The following NPSR1 variants were observed in gnomAD, a reference collection of about 807,000 sequenced individuals.
NPSR1 encodes the protein neuropeptide S receptor.
NPSR1 carries 48 observed loss-of-function variants against 46.9 expected under a neutral mutation model. The observed-to-expected ratio is 1.02, with a 90% CI of 0.81 to 1.30. NPSR1 has a LOEUF of 1.30. NPSR1 is among the 50% of genes most tolerant of loss of function. The pLI is 0.00. For synonymous variants in NPSR1, 176 were observed against 168.1 expected (o/e 1.05, Z -0.36); for missense variants, 450 against 449.5 (o/e 1.00, Z -0.01).
At chr7:34,705,502 G>T (rs764324382) in intron 2 of NPSR1, among the ~76,000 whole-genome samples, 2 of 148,894 alleles carry the variant, frequency 1.3e-5, no homozygotes, top group Non-Finnish European at 3.0e-5. Flanking sequence ...TAGTATTTTT[G>T]ATCAATGTTT....
intron 8 of NPSR1, among the ~76,000 whole-genome samples, chr7:34,875,616 C>A (rs965595657): frequency 1.2e-4 from 18 of 152,194 alleles, no homozygotes; most frequent in African/African-American, 4.3e-4. Flanking sequence ...AGCCCCAGTG[C>A]CTCCTGGAGG....
intron 2 of NPSR1, among the ~76,000 whole-genome samples, chr7:34,772,014 T>G (rs1279227051): frequency 6.6e-6 from 1 of 152,240 alleles, no homozygotes; most frequent in Non-Finnish European, 1.5e-5. Context: ...TGCTTTGCGG[T>G]AGGCACATGA....
Position 34,841,015 on chromosome 7 carries a change from C to T in NPSR1, c.758-3881C>T, listed in dbSNP as rs1353042556. Among the ~76,000 whole-genome samples the T allele has an allele frequency of 2.6e-5, 4 of 152,148 alleles. No individual in the cohort carries two copies. The East Asian group carries it at 7.7e-4, about 29-fold the overall frequency. ...AGCTATATTAGTAAAGAGAATGTTACTGTTCAAAATGAATTTCAAGTTTCA... is the reference window on the plus strand; with the variant it reads ...AGCTATATTAGTAAAGAGAATGTTATTGTTCAAAATGAATTTCAAGTTTCA... On this transcript the variant is annotated intron_variant, in intron 6 of 8. Coordinates refer to ENST00000360581, the MANE Select transcript of NPSR1 (RefSeq NM_207172.2).
intron 3 of NPSR1, among the ~76,000 whole-genome samples, chr7:34,790,874 T>G (rs1484055430): frequency 7.4e-6 from 1 of 135,956 alleles, no homozygotes; most frequent in Non-Finnish European, 1.5e-5. Flanking sequence ...ATATGTTATA[T>G]GTTATATTAT....
intron 2 of NPSR1, among the ~76,000 whole-genome samples, chr7:34,774,450 G>C (rs185811413): frequency 6.6e-6 from 1 of 152,168 alleles, no homozygotes; most frequent in Non-Finnish European, 1.5e-5. Flanking sequence ...TGTGGGACAC[G>C]TCTGAGTGTA....
intron 2 of NPSR1, among the ~76,000 whole-genome samples, chr7:34,739,788 G>GCAC (rs1412802470): frequency 6.6e-6 from 1 of 152,194 alleles, no homozygotes; most frequent in Non-Finnish European, 1.5e-5. Context: ...ATGGATACTA[G>GCAC]CACCTGCTCT....
chr7:34,840,098 C>T (rs1377624806), intron 6 of NPSR1, among the ~76,000 whole-genome samples: 1 of 152,022 alleles, frequency 6.6e-6, no homozygotes, highest in East Asian at 1.9e-4. Context: ...GAAATCTTCT[C>T]ATATCTAGCT....
intron 2 of NPSR1, among the ~76,000 whole-genome samples, chr7:34,722,586 AG>A (rs1298598212): frequency 3.3e-5 from 5 of 152,194 alleles, no homozygotes; most frequent in Admixed American, 3.3e-4. Flanking sequence ...TAGATTTGTA[AG>A]GGTAGAGACA....
At chr7:34,810,426 T>C (rs1400480689) in intron 3 of NPSR1, among the ~76,000 whole-genome samples, 1 of 152,180 alleles carries the variant, frequency 6.6e-6, no homozygotes, top group African/African-American at 2.4e-5. Flanking sequence ...CAAAAAAAGA[T>C]TGTACACAGA....
chr7:34,871,638 TG>T (rs1302588138), intron 8 of NPSR1: 1 of 151,818 alleles, frequency 6.6e-6, no homozygotes, highest in African/African-American at 2.4e-5. Flanking sequence ...GCACAAGCAT[TG>T]GGTAAACATT....
intron 1 of NPSR1, 146 bp from the exon 2 acceptor site, chr7:34,684,406 C>A: frequency 1.4e-6 from 1 of 714,572 alleles, no homozygotes; most frequent in East Asian, 2.8e-5. Flanking sequence ...AAATGAAGAC[C>A]ATTTTGTCAT....
At chr7:34,845,444 TC>T (rs1309620398) in intron 7 of NPSR1, 1 of 379,986 alleles carries the variant, frequency 2.6e-6, no homozygotes, top group Non-Finnish European at 5.1e-6. Flanking sequence ...TTCTGCCCTT[TC>T]CTTTTCCTTT....
intron 6 of NPSR1, among the ~76,000 whole-genome samples, chr7:34,841,408 G>T (rs1364105128): frequency 6.6e-6 from 1 of 152,168 alleles, no homozygotes; most frequent in East Asian, 1.9e-4. Flanking sequence ...TCCCCATTAG[G>T]GATATACTGT....
rs1790620759 is a variant in NPSR1 at position 34,842,863 on chromosome 7, C to T, written c.758-2033C>T. 2.0e-5 allele frequency among the ~76,000 whole-genome samples: 3 copies of T among 152,202 alleles called. No individual in the cohort carries two copies. In the South Asian group the frequency reaches 6.2e-4, roughly 32 times the overall value. On this transcript the variant is annotated intron_variant, in intron 6 of 8. Coordinates refer to ENST00000360581, the MANE Select transcript of NPSR1 (RefSeq NM_207172.2). ...AGCTCCTCAGAAAGACATTCAAGGC[C>T]TCCCCAGTTTGCCTTCAGTTCTCTC...
intron 3 of NPSR1, among the ~76,000 whole-genome samples, chr7:34,794,711 C>G (rs1788094527): frequency 6.6e-6 from 1 of 151,928 alleles, no homozygotes; most frequent in African/African-American, 2.4e-5. Flanking sequence ...TACACTAATA[C>G]CAAAAGCAGA....
rs985595763 is a variant in NPSR1, at chr7:34,681,738, A to C, written c.148-2814A>C. ...TTGAAGTGCCATATTCAATGAGCAC[A>C]GTTCTGGAAAGGTCTCCAGGGACCC... On this transcript the variant is annotated intron_variant, in intron 1 of 8. Transcript: ENST00000360581. 3.3e-5 allele frequency among the ~76,000 whole-genome samples: 5 copies of C among 152,316 alleles called. No homozygotes were observed. The South Asian group carries it at 1.0e-3, about 32-fold the overall frequency.
intron 8 of NPSR1, among the ~76,000 whole-genome samples, chr7:34,874,006 G>C (rs1434414694): frequency 6.6e-6 from 1 of 151,660 alleles, no homozygotes; most frequent in Non-Finnish European, 1.5e-5. Context: ...TGGTGAGTTA[G>C]AGCTGGCAAG....
intron 7 of NPSR1, among the ~76,000 whole-genome samples, chr7:34,847,874 T>C (rs1790795438): frequency 6.6e-6 from 1 of 152,220 alleles, no homozygotes; most frequent in Admixed American, 6.5e-5. Flanking sequence ...CCACCTTTCA[T>C]CCATTTCTTT....
chr7:34,807,969 A>G (rs182759231), intron 3 of NPSR1, among the ~76,000 whole-genome samples: 1 of 152,238 alleles, frequency 6.6e-6, no homozygotes, highest in Admixed American at 6.5e-5. Flanking sequence ...AGAAAAGGGA[A>G]CTTCACAAAT....
Sources: allele counts gnomAD v4.1 joint callset (sites outside exome capture counted in the v4.1 genomes callset), GRCh38; gene constraint gnomAD v4.1.1; transcripts MANE v1.5; gene names NCBI Gene and HGNC (gene_info 2026-07-23, HGNC 2026-07-21).